Variants in FAM222A observed in about 807,000 individuals in gnomAD.
The protein encoded by FAM222A is family with sequence similarity 222 member A.
Under a neutral mutation model 25.8 loss-of-function variants are expected in FAM222A, and 7 were observed. That is an observed-to-expected ratio of 0.27 (90% CI 0.15 to 0.51). The LOEUF is 0.51. Ranked by LOEUF, FAM222A falls within the 20% of genes least tolerant of loss-of-function variation. The probability of loss-of-function intolerance (pLI) is 0.97; values close to 1 mark genes in which losing one functional copy is unlikely to be tolerated. For synonymous variants in FAM222A, 294 were observed against 298.8 expected, an observed-to-expected ratio of 0.98 and a Z score of 0.17; for missense variants, 573 against 640.5, an observed-to-expected ratio of 0.89 and a Z score of 1.14.
intron 1 of FAM222A, among the ~76,000 whole-genome samples, chr12:109,733,265 C>T (rs187797052): frequency 1.5e-3 from 228 of 152,240 alleles, no homozygotes; most frequent in African/African-American, 5.3e-3. Context: ...ACATAAAATA[C>T]CTCAGGAATT....
At chr12:109,757,018 G>C (rs1048869079) in intron 2 of FAM222A, among the ~76,000 whole-genome samples, 2 of 152,112 alleles carry the variant, frequency 1.3e-5, no homozygotes. Context: ...CTCTTTACTT[G>C]TTATAGGTCT....
intron 2 of FAM222A, among the ~76,000 whole-genome samples, chr12:109,750,573 A>G (rs10459145): frequency 0.16 from 24,180 of 152,024 alleles, 2,091 homozygotes; most frequent in East Asian, 0.31. Context: ...GGCTTATAAT[A>G]TAGCATCTGG....
Position 109,768,104 on chromosome 12 carries a change from T to G in FAM222A, c.175T>G (p.Ser59Ala). The change falls in exon 3 of 3, where the codon TCC (serine) becomes GCC (alanine). Residue 59 changes from serine to alanine, a missense_variant. Physicochemically the swap from Ser to Ala is moderately conservative, Grantham distance 99 (BLOSUM62 1). Transcript: ENST00000538780. The part of the protein sequence containing the change: ...YAEKVANSPL[S>A]IKIFPTNIRV... ...CGAGAAGGTGGCCAACAGCCCGCTGTCCATCAAGATCTTCCCCACCAACAT... is the reference window on the plus strand; with the variant it reads ...CGAGAAGGTGGCCAACAGCCCGCTGGCCATCAAGATCTTCCCCACCAACAT... 6.2e-7 allele frequency: 1 copy of G among 1,613,976 alleles called. No individual in the cohort carries two copies. Among genetic ancestry groups the G allele is most frequent in the Non-Finnish European group, 8.5e-7 (1 of 1,180,024 alleles).
chr12:109,753,759 T>C (rs1211207653), intron 2 of FAM222A, among the ~76,000 whole-genome samples: 4 of 136,156 alleles, frequency 2.9e-5, no homozygotes, highest in African/African-American at 1.1e-4. Flanking sequence ...AGCTACTGCC[T>C]AAGTGAACCG....
chr12:109,759,006 C>T (rs1020774026), intron 2 of FAM222A, among the ~76,000 whole-genome samples: 12 of 152,208 alleles, frequency 7.9e-5, no homozygotes, highest in African/African-American at 1.4e-4. Flanking sequence ...TATGGGAAGG[C>T]GAGAATTTGC....
At chr12:109,715,677 T>A (rs1435951439) in intron 1 of FAM222A, among the ~76,000 whole-genome samples, 3 of 152,206 alleles carry the variant, frequency 2.0e-5, no homozygotes, top group African/African-American at 7.2e-5. Context: ...TCCCTGTTGA[T>A]GCTCCTCCCC....
intron 1 of FAM222A, among the ~76,000 whole-genome samples, chr12:109,723,581 C>G (rs1032777764): frequency 1.3e-5 from 2 of 152,240 alleles, no homozygotes; most frequent in African/African-American, 4.8e-5. Flanking sequence ...GTCAGGGCAC[C>G]CAGCACTGGC....
At position 109,714,795 on chromosome 12, in the gene FAM222A, G is replaced by A. The variant is rs1356096115; in HGVS notation, c.-149G>A. 6.6e-6 allele frequency: 1 copy of A among 152,420 alleles called. No homozygotes were observed. Among genetic ancestry groups the A allele is most frequent in the African/African-American group, 2.4e-5 (1 of 41,584 alleles). The allele number at this position is 152,420 out of a possible 1,614,324, so 9.4% of individuals were successfully genotyped here. A position where few individuals can be genotyped will look rare whatever the true frequency, so the allele number is the denominator to read the frequency against. On this transcript the variant is annotated 5_prime_UTR_variant, in exon 1 of 3. Transcript: ENST00000538780. The surrounding 1 kb of genome is among the most constrained non-coding windows in gnomAD (Gnocchi z 4.2). ...GAGAGAGGCATCGACCCCCAAGGAG[G>A]GCTTCGTCAGGCAGCCTCTGCCACT...
intron 1 of FAM222A, among the ~76,000 whole-genome samples, chr12:109,732,962 A>G (rs923581749): frequency 6.6e-6 from 1 of 152,242 alleles, no homozygotes; most frequent in African/African-American, 2.4e-5. Flanking sequence ...AGATAATTTC[A>G]GAGCAGTAAT....
Position 109,728,898 on chromosome 12 carries a change from C to T in FAM222A, c.-47+14001C>T, listed in dbSNP as rs374643075. On this transcript the variant is annotated intron_variant, in intron 1 of 2. Transcript: ENST00000538780. ...CTCCCGTTCCATCTCTAAGACTAACCGAACCCCTACTATGCTCCTGAAAAC... is the reference window on the plus strand; with the variant it reads ...CTCCCGTTCCATCTCTAAGACTAACTGAACCCCTACTATGCTCCTGAAAAC... Among the ~76,000 whole-genome samples the T allele has an allele frequency of 2.6e-4, 40 of 152,138 alleles. No individual in the cohort carries two copies. In the East Asian group the frequency reaches 5.4e-3, roughly 21 times the overall value.
chr12:109,730,173 C>T (rs1436571927), intron 1 of FAM222A, among the ~76,000 whole-genome samples: 6 of 152,220 alleles, frequency 3.9e-5, no homozygotes, highest in Non-Finnish European at 8.8e-5. Flanking sequence ...TGGCTCTCCT[C>T]CTTACCCTAC....
In FAM222A at chr12:109,769,408, A is replaced by C. The variant is rs887818611; in HGVS notation, c.*120A>C. Reference sequence around the variant, plus strand: ...CCACCCTGTGCCTGCTGATGCCCACAGGGGAGCCAGGCTGGCTGCCGCCTC... The same window carrying C: ...CCACCCTGTGCCTGCTGATGCCCACCGGGGAGCCAGGCTGGCTGCCGCCTC... On this transcript the variant is annotated 3_prime_UTR_variant, in exon 3 of 3. Coordinates refer to ENST00000538780, the MANE Select transcript of FAM222A (RefSeq NM_032829.3). 6.3e-6 allele frequency: 8 copies of C among 1,270,480 alleles called. 1 individual carries two copies. In the South Asian group the frequency reaches 7.8e-5, roughly 12 times the overall value. 78.7% of individuals were successfully genotyped at this position (1,270,480 alleles called of 1,614,324 possible).
chr12:109,756,392 C>CTTTTTTTT (rs35171962), intron 2 of FAM222A, among the ~76,000 whole-genome samples: 1 of 124,390 alleles, frequency 8.0e-6, no homozygotes, highest in African/African-American at 2.9e-5. Flanking sequence ...AATATGAATG[C>CTTTTTTTT]TTTTTTTTTT....
intron 1 of FAM222A, among the ~76,000 whole-genome samples, chr12:109,719,911 G>C (rs7306295): frequency 6.6e-6 from 1 of 152,200 alleles, no homozygotes; most frequent in African/African-American, 2.4e-5. Flanking sequence ...GGGAGTCGCA[G>C]ACCTGGGCTG....
intron 1 of FAM222A, among the ~76,000 whole-genome samples, chr12:109,736,181 G>A: frequency 6.6e-6 from 1 of 152,234 alleles, no homozygotes; most frequent in South Asian, 2.1e-4. Flanking sequence ...TTGCTCTCCA[G>A]CAGCCTGGAG....
intron 2 of FAM222A, among the ~76,000 whole-genome samples, chr12:109,767,583 C>T: frequency 6.6e-6 from 1 of 152,218 alleles, no homozygotes; most frequent in East Asian, 1.9e-4. Flanking sequence ...ACTCCCCACA[C>T]AGCCACCTGG....
At chr12:109,753,636 G>T (rs1218445017) in intron 2 of FAM222A, among the ~76,000 whole-genome samples, 1 of 152,108 alleles carries the variant, frequency 6.6e-6, no homozygotes, top group East Asian at 1.9e-4. Flanking sequence ...GCTCGTGATA[G>T]ATGAGAAGCT....
chr12:109,730,417 G>T (rs796224145), intron 1 of FAM222A, among the ~76,000 whole-genome samples: 2 of 129,936 alleles, frequency 1.5e-5, no homozygotes, highest in East Asian at 5.1e-4. Context: ...GGGGGGGGGG[G>T]TTCCTCCAGC....
At position 109,761,449 on chromosome 12, in the gene FAM222A, A is replaced by T. The variant is rs78288085; in HGVS notation, c.83-6563A>T. Among the ~76,000 whole-genome samples, 1,108 of 152,290 alleles carry T rather than the reference A, an allele frequency of 7.3e-3. 18 individuals carry two copies. The highest frequency in any genetic ancestry group is 0.025 in the African/African-American group (1,050 of 41,546). On this transcript the variant is annotated intron_variant, in intron 2 of 2. Coordinates refer to ENST00000538780, the MANE Select transcript of FAM222A (RefSeq NM_032829.3). ...ACTCAGTCACTGGCTGCTGGCAATT[A>T]TAGAAAAGCACAGAGGAGTAAAATC...
Sources: allele counts gnomAD v4.1 joint callset (sites outside exome capture counted in the v4.1 genomes callset), GRCh38; gene constraint gnomAD v4.1.1; non-coding constraint Gnocchi (gnomAD v3.1); transcripts MANE v1.5; gene names NCBI Gene and HGNC (gene_info 2026-07-23, HGNC 2026-07-21).